Variants in PTPRD observed in about 807,000 individuals in gnomAD.
The protein encoded by PTPRD is receptor-type tyrosine-protein phosphatase delta.
PTPRD carries 34 observed loss-of-function variants against 214.5 expected under a neutral mutation model. That is an observed-to-expected ratio of 0.16 (90% CI 0.12 to 0.21). The LOEUF (loss-of-function observed/expected upper bound fraction) is 0.21, where lower values mean the gene tolerates loss of function less well. Ranked by LOEUF, PTPRD falls within the 10% of genes least tolerant of loss-of-function variation. The pLI, the probability that PTPRD is intolerant of heterozygous loss-of-function variation, is 1.00. For synonymous variants in PTPRD, 1,128 were observed against 845.7 expected, an observed-to-expected ratio of 1.33 and a Z score of -5.79; for missense variants, 2,545 against 2,398.7, an observed-to-expected ratio of 1.06 and a Z score of -1.27.
At chr9:9,667,119 C>A (rs1359507915) in intron 7 of PTPRD, among the ~76,000 whole-genome samples, 1 of 152,010 alleles carries the variant, frequency 6.6e-6, no homozygotes, top group Non-Finnish European at 1.5e-5. Flanking sequence ...TCTTTACTCT[C>A]TTTTCTACCA....
chr9:9,331,970 C>T (rs180880529), intron 9 of PTPRD, among the ~76,000 whole-genome samples: 17 of 152,122 alleles, frequency 1.1e-4, no homozygotes, highest in Admixed American at 5.9e-4. Flanking sequence ...GAACATCCCC[C>T]CACCTCTTTT....
intron 9 of PTPRD, among the ~76,000 whole-genome samples, chr9:9,279,122 G>A (rs2133424120): frequency 6.6e-6 from 1 of 151,008 alleles, no homozygotes; most frequent in South Asian, 2.1e-4. Context: ...TTTGTGCCAT[G>A]CTCAAAATGT....
chr9:10,207,043 T>A (rs1172944528), intron 3 of PTPRD, among the ~76,000 whole-genome samples: 2 of 152,136 alleles, frequency 1.3e-5, no homozygotes, highest in East Asian at 3.9e-4. Context: ...TATGAGCTGA[T>A]GAGTTTTATT....
At chr9:8,874,160 A>G (rs927663196) in intron 11 of PTPRD, among the ~76,000 whole-genome samples, 13 of 152,190 alleles carry the variant, frequency 8.5e-5, no homozygotes. Context: ...GAATAGTTTC[A>G]TTTTACTACC....
chr9:9,233,830 G>A (rs1594176939), intron 9 of PTPRD, among the ~76,000 whole-genome samples: 1 of 152,166 alleles, frequency 6.6e-6, no homozygotes, highest in African/African-American at 2.4e-5. Context: ...GGGCTCCCAC[G>A]GCCTTGTGTA....
chr9:10,354,799 A>G (rs2154461061), intron 2 of PTPRD, among the ~76,000 whole-genome samples: 1 of 152,208 alleles, frequency 6.6e-6, no homozygotes, highest in Non-Finnish European at 1.5e-5. Context: ...AATGCATCTG[A>G]CAGTTCTAAT....
At chr9:10,438,604 G>C (rs1396692197) in intron 2 of PTPRD, among the ~76,000 whole-genome samples, 2 of 151,338 alleles carry the variant, frequency 1.3e-5, no homozygotes, top group African/African-American at 4.9e-5. Context: ...TATTGTTTTT[G>C]TTTTTTAATG....
At chr9:10,049,864 C>G (rs532416347) in intron 3 of PTPRD, among the ~76,000 whole-genome samples, 1 of 152,168 alleles carries the variant, frequency 6.6e-6, no homozygotes, top group Non-Finnish European at 1.5e-5. Flanking sequence ...TGACAAGGGA[C>G]TTTGGTGTGA....
intron 21 of PTPRD, among the ~76,000 whole-genome samples, chr9:8,508,356 C>T (rs145664668): frequency 1.2e-4 from 18 of 152,276 alleles, no homozygotes; most frequent in African/African-American, 4.1e-4. Flanking sequence ...CTATCAGTTC[C>T]CCTCTATCCA....
intron 9 of PTPRD, among the ~76,000 whole-genome samples, chr9:9,283,579 A>G (rs1226229419): frequency 6.6e-6 from 1 of 151,588 alleles, no homozygotes; most frequent in South Asian, 2.1e-4. Context: ...AGTGTTCCTC[A>G]AAGCTATCTG....
At chr9:9,437,052 C>T (rs1466244831) in intron 8 of PTPRD, among the ~76,000 whole-genome samples, 2 of 152,158 alleles carry the variant, frequency 1.3e-5, no homozygotes, top group Non-Finnish European at 2.9e-5. Context: ...AAAATATCGT[C>T]TTGCTTTCTT....
intron 8 of PTPRD, among the ~76,000 whole-genome samples, chr9:9,554,936 G>A (rs571592785): frequency 7.2e-5 from 11 of 152,016 alleles, no homozygotes; most frequent in Middle Eastern, 3.4e-3. Context: ...TTGCTTATAC[G>A]TCTACATATT....
chr9:8,989,915 G>C (rs898897007), intron 11 of PTPRD, among the ~76,000 whole-genome samples: 1 of 151,996 alleles, frequency 6.6e-6, no homozygotes, highest in East Asian at 1.9e-4. Flanking sequence ...ATAAGTTTAC[G>C]TCTACATTTT....
At chr9:8,330,699 C>CAAATAATAGAATTGAGATTA (rs1839538763) in intron 44 of PTPRD, among the ~76,000 whole-genome samples, 3 of 151,112 alleles carry the variant, frequency 2.0e-5, no homozygotes, top group African/African-American at 7.3e-5. Context: ...ATCATAGAGC[C>CAAATAATAGAATTGAGATTA]AAATAATAGA....
At chr9:8,767,520 G>C (rs144566069) in intron 11 of PTPRD, among the ~76,000 whole-genome samples, 318 of 152,088 alleles carry the variant, frequency 2.1e-3, no homozygotes, top group African/African-American at 7.3e-3. Context: ...CATTTTTTTT[G>C]TAATGGCAAA....
intron 11 of PTPRD, among the ~76,000 whole-genome samples, chr9:8,990,817 C>T (rs986793329): frequency 1.3e-5 from 2 of 152,056 alleles, no homozygotes; most frequent in African/African-American, 2.4e-5. Context: ...AACAGAGAAG[C>T]CTTTCTGGGT....
intron 6 of PTPRD, among the ~76,000 whole-genome samples, chr9:9,762,733 A>G (rs1316925144): frequency 1.3e-5 from 2 of 151,992 alleles, no homozygotes; most frequent in Non-Finnish European, 2.9e-5. Context: ...GCAACTCAGA[A>G]CTCTTCTAGC....
intron 2 of PTPRD, among the ~76,000 whole-genome samples, chr9:10,530,184 T>A (rs1272328538): frequency 6.6e-6 from 1 of 152,196 alleles, no homozygotes; most frequent in Non-Finnish European, 1.5e-5. Context: ...ATTATCTTTT[T>A]CTTTCAGCCT....
At chr9:9,678,121 A>G (rs569122044) in intron 7 of PTPRD, among the ~76,000 whole-genome samples, 1 of 152,280 alleles carries the variant, frequency 6.6e-6, no homozygotes, top group African/African-American at 2.4e-5. Context: ...AAGAATCAAT[A>G]TCGTGAAAAT....
Sources: gnomAD v4.1 joint callset for allele counts (sites outside exome capture counted in the v4.1 genomes callset) on GRCh38, gnomAD v4.1.1 for gene constraint, MANE v1.5 for transcripts, NCBI Gene and HGNC (gene_info 2026-07-23, HGNC 2026-07-21) for gene names.